Variants in BICD1 observed in about 807,000 individuals in gnomAD.
BICD1 encodes protein bicaudal D homolog 1.
In BICD1, 35 loss-of-function variants were observed where a neutral mutation model predicts 92.5. The observed-to-expected ratio is 0.38, with a 90% CI of 0.29 to 0.50. The LOEUF is 0.50. Among genes scored for constraint, BICD1 ranks in the 20% least tolerant of loss-of-function variants. The pLI is 0.93. For missense variants in BICD1, 950 were observed against 1,189.8 expected, an observed-to-expected ratio of 0.80 and a Z score of 2.97; for synonymous variants, 429 against 465.1, an observed-to-expected ratio of 0.92 and a Z score of 1.00.
At chr12:32,324,947 A>ATTGG (rs1948742208) in intron 4 of BICD1, among the ~76,000 whole-genome samples, 1 of 152,156 alleles carries the variant, frequency 6.6e-6, no homozygotes, top group Non-Finnish European at 1.5e-5. Context: ...GAACATCTAA[A>ATTGG]GTCCCTCAAA....
At chr12:32,187,181 T>C (rs150133572) in intron 1 of BICD1, among the ~76,000 whole-genome samples, 2 of 152,340 alleles carry the variant, frequency 1.3e-5, no homozygotes, top group African/African-American at 4.8e-5. Flanking sequence ...TCCACGAAAT[T>C]CGTGCCCAGG....
intron 4 of BICD1, among the ~76,000 whole-genome samples, chr12:32,311,484 A>G (rs1413384556): frequency 6.6e-6 from 1 of 152,128 alleles, no homozygotes; most frequent in Non-Finnish European, 1.5e-5. Context: ...GCGACAGATC[A>G]AGACTCTGTC....
chr12:32,202,932 A>T (rs556186873), intron 1 of BICD1, among the ~76,000 whole-genome samples: 12 of 152,222 alleles, frequency 7.9e-5, no homozygotes, highest in Admixed American at 3.3e-4. Context: ...TAACTTAATG[A>T]ATAAGGTTTG....
chr12:32,335,228 G>A (rs1034302459), intron 6 of BICD1, among the ~76,000 whole-genome samples: 9 of 151,514 alleles, frequency 5.9e-5, no homozygotes. Flanking sequence ...TCAGCTCACT[G>A]CAACCTCCGC....
intron 1 of BICD1, among the ~76,000 whole-genome samples, chr12:32,192,457 G>A (rs3043309): frequency 0.46 from 62,494 of 134,664 alleles, 13,771 homozygotes; most frequent in Middle Eastern, 0.55. Flanking sequence ...TAAATAAATA[G>A]ATAGATAGAT....
intron 1 of BICD1, among the ~76,000 whole-genome samples, chr12:32,182,274 C>CTTTATTTTT (rs1944292915): frequency 1.2e-5 from 1 of 84,996 alleles, no homozygotes; most frequent in Non-Finnish European, 2.6e-5. Context: ...TTCTTTCTTT[C>CTTTATTTTT]TTTCTTTTTT....
At chr12:32,159,197 G>A (rs1815619285) in intron 1 of BICD1, among the ~76,000 whole-genome samples, 3 of 152,158 alleles carry the variant, frequency 2.0e-5, no homozygotes, top group South Asian at 4.1e-4. Context: ...GCCTCCCAAA[G>A]TGCTGATTTA....
intron 1 of BICD1, among the ~76,000 whole-genome samples, chr12:32,176,552 C>T (rs1035799590): frequency 2.0e-5 from 3 of 152,172 alleles, no homozygotes; most frequent in African/African-American, 7.2e-5. Context: ...TCTAGAAAGT[C>T]CCTTGTTCCT....
At chr12:32,218,450 G>A (rs1945422123) in intron 2 of BICD1, among the ~76,000 whole-genome samples, 1 of 152,180 alleles carries the variant, frequency 6.6e-6, no homozygotes, top group Non-Finnish European at 1.5e-5. Flanking sequence ...CCCAGGTGAT[G>A]TGGGGGCTGC....
At chr12:32,215,481 T>C (rs1335128447) in intron 1 of BICD1, among the ~76,000 whole-genome samples, 1 of 152,240 alleles carries the variant, frequency 6.6e-6, no homozygotes, top group Non-Finnish European at 1.5e-5. Flanking sequence ...ATTTTAACTC[T>C]TAAGGATACT....
chr12:32,239,667 G>A (rs1341048944), intron 2 of BICD1, among the ~76,000 whole-genome samples: 1 of 151,664 alleles, frequency 6.6e-6, no homozygotes, highest in African/African-American at 2.4e-5. Context: ...AACAAGAGCT[G>A]GCATGATCTC....
chr12:32,349,711 A>G (rs1262075228), intron 8 of BICD1, among the ~76,000 whole-genome samples: 1 of 152,188 alleles, frequency 6.6e-6, no homozygotes, highest in Non-Finnish European at 1.5e-5. Context: ...TCCCCCCTAA[A>G]AAAAGGAAAA....
chr12:32,131,255 A>G (rs1942535596), intron 1 of BICD1, among the ~76,000 whole-genome samples: 2 of 152,146 alleles, frequency 1.3e-5, no homozygotes, highest in Admixed American at 1.3e-4. Flanking sequence ...TAGTGCTTTC[A>G]AAGTGTGATT....
intron 1 of BICD1, among the ~76,000 whole-genome samples, chr12:32,130,582 C>T (rs937077907): frequency 2.6e-5 from 4 of 152,124 alleles, no homozygotes; most frequent in Non-Finnish European, 5.9e-5. Context: ...CGTGGATTGG[C>T]AGTCTGTATT....
At position 32,350,015 on chromosome 12, in the gene BICD1, C is replaced by T. The variant is rs181920932; in HGVS notation, c.2764+11036C>T. Among the ~76,000 whole-genome samples, 304 of 152,294 alleles carry T rather than the reference C, an allele frequency of 2.0e-3. 1 individual carries two copies. Among genetic ancestry groups the T allele is most frequent in the Non-Finnish European group, 9.6e-4 (65 of 68,038 alleles). The stretch of plus-strand genomic sequence containing the variant: ...CTAAACTCCTCTGAGGCATTGTAAA[C>T]GGTTAGGAAAATTGACCTTTCTACA... On this transcript the variant is annotated intron_variant, in intron 8 of 9. Transcript: ENST00000652176.
chr12:32,205,729 T>TTTTTTTTTTTTTTGAGACG (rs1217150774), intron 1 of BICD1, among the ~76,000 whole-genome samples: 2 of 147,414 alleles, frequency 1.4e-5, no homozygotes, highest in East Asian at 2.0e-4. Context: ...ATGTCAATTT[T>TTTTTTTTTTTTTTGAGACG]GACATATGTA....
intron 2 of BICD1, among the ~76,000 whole-genome samples, chr12:32,240,045 T>C (rs910804677): frequency 1.3e-5 from 2 of 152,220 alleles, no homozygotes; most frequent in Non-Finnish European, 2.9e-5. Context: ...TTTTGAGATA[T>C]TTGCTTTATT....
intron 9 of BICD1, among the ~76,000 whole-genome samples, chr12:32,373,671 G>T (rs977368996): frequency 9.3e-5 from 14 of 151,340 alleles, no homozygotes; most frequent in African/African-American, 2.9e-4. Flanking sequence ...AGGAGTTCGA[G>T]ACTGTCATGG....
chr12:32,125,482 T>C (rs901261928), intron 1 of BICD1, among the ~76,000 whole-genome samples: 2 of 152,216 alleles, frequency 1.3e-5, no homozygotes, highest in African/African-American at 4.8e-5. Flanking sequence ...AGCTCAGATT[T>C]ACACTGTATA....
Sources: gnomAD v4.1 joint callset for allele counts (sites outside exome capture counted in the v4.1 genomes callset) on GRCh38, gnomAD v4.1.1 for gene constraint, MANE v1.5 for transcripts, NCBI Gene and HGNC (gene_info 2026-07-23, HGNC 2026-07-21) for gene names.